DMD: variants seen among roughly 807,000 people sequenced by gnomAD.
DMD encodes the protein dystrophin.
A neutral mutation model predicts 330.1 loss-of-function variants in DMD; 63 were observed. That is an observed-to-expected ratio of 0.19 (90% confidence interval 0.16 to 0.24). The LOEUF (loss-of-function observed/expected upper bound fraction) is 0.24. DMD is among the 10% of genes least tolerant of loss of function. DMD has a pLI of 1.00. For synonymous variants in DMD, 1,223 were observed against 959.8 expected, an observed-to-expected ratio of 1.27 and a Z score of -5.07; for missense variants, 3,344 against 2,684.1, an observed-to-expected ratio of 1.25 and a Z score of -5.43.
chrX:32,807,635 G>A (rs1216909359), intron 7 of DMD, among the ~76,000 whole-genome samples: 2 of 111,253 alleles, frequency 1.8e-5, no homozygotes, highest in Non-Finnish European at 3.8e-5. Flanking sequence ...CACTATTCAT[G>A]TACCTGCCTT....
chrX:31,429,877 T>C (rs1440776624), intron 60 of DMD, among the ~76,000 whole-genome samples: 1 of 110,164 alleles, frequency 9.1e-6, no homozygotes, highest in Non-Finnish European at 1.9e-5. Flanking sequence ...AAGAAGGTTT[T>C]TTTTTTTTTT....
chrX:33,139,735 C>T (rs2047692119), intron 1 of DMD, among the ~76,000 whole-genome samples: 1 of 109,372 alleles, frequency 9.1e-6, no homozygotes, highest in African/African-American at 3.3e-5. Context: ...TCCCAGAAGC[C>T]GAGAAGATGC....
chrX:33,267,761 A>C lies in DMD; in HGVS notation c.7+71498T>G, dbSNP rs1210459154. Among the ~76,000 whole-genome samples, 3 of 110,864 alleles carry C rather than the reference A, an allele frequency of 2.7e-5. 1 individual carries two copies. In the Admixed American group the frequency reaches 2.9e-4, roughly 11 times the overall value. On this transcript the variant is annotated intron_variant, in intron 1 of 17. Coordinates refer to the DMD transcript ENST00000288447. ...CACAGAAATAAAGCCATACACCTTC[A>C]ACCAGCCTTCGACAAGGCTGGCAAA...
At chrX:32,777,791 A>T (rs2074326231) in intron 7 of DMD, among the ~76,000 whole-genome samples, 1 of 112,663 alleles carries the variant, frequency 8.9e-6, no homozygotes, top group Non-Finnish European at 1.9e-5. Context: ...GAGCTATCTT[A>T]AGGATGGCAA....
At chrX:32,335,513 A>G (rs1315786988) in intron 41 of DMD, among the ~76,000 whole-genome samples, 2 of 99,937 alleles carry the variant, frequency 2.0e-5, no homozygotes, top group East Asian at 3.1e-4. Flanking sequence ...TATATATAAC[A>G]TGTGTATGTT....
intron 16 of DMD, among the ~76,000 whole-genome samples, chrX:32,548,044 C>T (rs769163280): frequency 1.8e-5 from 2 of 111,530 alleles, no homozygotes; most frequent in South Asian, 7.5e-4. Flanking sequence ...TAACTTGATT[C>T]GTCATCCAAA....
At chrX:31,546,004 C>G (rs1222592879) in intron 55 of DMD, among the ~76,000 whole-genome samples, 1 of 111,900 alleles carries the variant, frequency 8.9e-6, no homozygotes, top group Non-Finnish European at 1.9e-5. Context: ...TTACAACTGC[C>G]TTTCCTGAAG....
intron 17 of DMD, among the ~76,000 whole-genome samples, chrX:32,522,889 T>G (rs951061461): frequency 1.5e-4 from 17 of 112,159 alleles, no homozygotes; most frequent in Non-Finnish European, 3.2e-4. Flanking sequence ...TCAAATACCC[T>G]CTGACTCATA....
At chrX:32,038,156 G>A (rs2095965921) in intron 44 of DMD, among the ~76,000 whole-genome samples, 1 of 111,565 alleles carries the variant, frequency 9.0e-6, no homozygotes, top group Non-Finnish European at 1.9e-5. Flanking sequence ...GGCAAATCTA[G>A]GGAGGAATTC....
At chrX:31,289,794 A>G (rs2053549934) in intron 62 of DMD, among the ~76,000 whole-genome samples, 1 of 111,362 alleles carries the variant, frequency 9.0e-6, no homozygotes, top group South Asian at 3.8e-4. Flanking sequence ...GGTACTTTAT[A>G]AACTAGAAAA....
At chrX:32,809,712 A>C in intron 6 of DMD, 101 bp from the exon 7 acceptor site, 1 of 652,301 alleles carries the variant, frequency 1.5e-6, no homozygotes, top group Non-Finnish European at 2.5e-6. Context: ...TTGACAACCA[A>C]TGCCCATAGT....
At chrX:32,284,429 T>A (rs747407738) in intron 43 of DMD, among the ~76,000 whole-genome samples, 33 of 111,851 alleles carry the variant, frequency 3.0e-4, no homozygotes, top group Non-Finnish European at 5.8e-4. Flanking sequence ...GTCTAATTCT[T>A]CTCTCTGTAG....
At chrX:31,604,162 TC>T (rs1344309044) in intron 55 of DMD, among the ~76,000 whole-genome samples, 18 of 112,429 alleles carry the variant, frequency 1.6e-4, no homozygotes, top group African/African-American at 5.5e-4. Context: ...TGAATGACAG[TC>T]TTCCTAACTA....
intron 64 of DMD, among the ~76,000 whole-genome samples, chrX:31,220,622 C>A (rs1408409838): frequency 9.0e-6 from 1 of 111,356 alleles, no homozygotes; most frequent in African/African-American, 3.3e-5. Context: ...TTTCCTGGAG[C>A]TATCCAATCC....
intron 44 of DMD, among the ~76,000 whole-genome samples, chrX:32,101,569 A>G (rs1040981308): frequency 2.7e-5 from 3 of 111,911 alleles, no homozygotes; most frequent in Admixed American, 9.5e-5. Context: ...TTATTGAATT[A>G]TTTTCTTCTA....
At chrX:33,191,280 T>C (rs764939835) in intron 1 of DMD, among the ~76,000 whole-genome samples, 1 of 107,925 alleles carries the variant, frequency 9.3e-6, no homozygotes, top group East Asian at 3.0e-4. Context: ...CTGTATGTTC[T>C]GATTTCATTG....
chrX:32,882,873 C>T (rs2084097205), intron 2 of DMD, among the ~76,000 whole-genome samples: 1 of 112,209 alleles, frequency 8.9e-6, no homozygotes, highest in African/African-American at 3.2e-5. Flanking sequence ...CTCCTGCACA[C>T]CAAAGTTTAG....
chrX:31,836,743 T>C lies in DMD; in HGVS notation c.7175A>G (p.Glu2392Gly). The C allele has an allele frequency of 8.3e-7, 1 of 1,211,869 alleles. No homozygotes were observed. The highest frequency in any genetic ancestry group is 1.1e-6 in the Non-Finnish European group (1 of 895,282). ...CTTCACTGGCTGAGTGGCTGGTTTT[T>C]CCTTGTACAAATGCTGCCCTTTAGA... Reference protein sequence around the residue: ...ILSKGQHLYKEKPATQPVKRK... With the variant: ...ILSKGQHLYKGKPATQPVKRK... Residue 2392 changes from glutamate (E) to glycine (G), a missense_variant, in exon 49 of 79, where the codon GAA becomes GGA. Glu to Gly is a moderately conservative substitution (Grantham distance 98, BLOSUM62 -2). Transcript: ENST00000357033.
chrX:32,296,869 T>G (rs1469107442), intron 42 of DMD, among the ~76,000 whole-genome samples: 1 of 112,330 alleles, frequency 8.9e-6, no homozygotes, highest in Non-Finnish European at 1.9e-5. Context: ...TGAAATATAT[T>G]GAACTTTATT....
Sources: allele counts gnomAD v4.1 joint callset (sites outside exome capture counted in the v4.1 genomes callset), GRCh38; gene constraint gnomAD v4.1.1; transcripts MANE v1.5; gene names NCBI Gene and HGNC (gene_info 2026-07-23, HGNC 2026-07-21).